Variants in COL26A1 observed in about 807,000 individuals in gnomAD.
COL26A1 encodes collagen type XXVI alpha 1 chain.
Under a neutral mutation model 59.3 loss-of-function variants are expected in COL26A1, and 41 were observed. The observed-to-expected ratio is 0.69, with a 90% CI of 0.54 to 0.90. The LOEUF is 0.90. COL26A1 is among the 40% of genes least tolerant of loss of function. The pLI is 0.00. For missense variants in COL26A1, 612 were observed against 602.3 expected (o/e 1.02, Z -0.17); for synonymous variants, 266 against 256.0 (o/e 1.04, Z -0.37).
intron 3 of COL26A1, among the ~76,000 whole-genome samples, chr7:101,500,993 C>A (rs1460432626): frequency 2.0e-5 from 3 of 151,274 alleles, no homozygotes; most frequent in Non-Finnish European, 2.9e-5. Context: ...ACCAGCCTGG[C>A]CAACACGGTG....
chr7:101,405,498 T>A (rs1481218196), intron 1 of COL26A1, among the ~76,000 whole-genome samples: 2 of 151,610 alleles, frequency 1.3e-5, no homozygotes, highest in Admixed American at 6.6e-5. Context: ...GCCCAGCTAA[T>A]TTTTTTTTCC....
chr7:101,438,834 C>T (rs1792979027), intron 2 of COL26A1, among the ~76,000 whole-genome samples: 1 of 151,380 alleles, frequency 6.6e-6, no homozygotes, highest in South Asian at 2.1e-4. Flanking sequence ...CCACGCCTGG[C>T]TAATTTTTGT....
At chr7:101,470,427 G>A (rs2130458737) in intron 3 of COL26A1, among the ~76,000 whole-genome samples, 1 of 151,886 alleles carries the variant, frequency 6.6e-6, no homozygotes, top group East Asian at 2.0e-4. Context: ...ATAGCTGCCG[G>A]CATTCACCCC....
At chr7:101,384,162 C>T (rs558172462) in intron 1 of COL26A1, among the ~76,000 whole-genome samples, 10 of 151,072 alleles carry the variant, frequency 6.6e-5, no homozygotes, top group South Asian at 2.1e-4. Context: ...CACAGGCGTG[C>T]GCCACCATGC....
At chr7:101,455,263 C>T (rs545903535) in intron 3 of COL26A1, among the ~76,000 whole-genome samples, 25 of 151,776 alleles carry the variant, frequency 1.6e-4, no homozygotes, top group African/African-American at 5.8e-4. Context: ...AGGCTGGTCT[C>T]CAACTCCTGG....
Position 101,511,067 on chromosome 7 carries a change from AG to A in COL26A1, c.386-22014del, listed in dbSNP as rs1794913389. Among the ~76,000 whole-genome samples the A allele has an allele frequency of 4.0e-5, 6 of 151,626 alleles. No individual in the cohort carries two copies. In the South Asian group the frequency reaches 1.0e-3, roughly 26 times the overall value. On this transcript the variant is annotated intron_variant, in intron 3 of 12. Coordinates refer to ENST00000313669, the MANE Select transcript of COL26A1 (RefSeq NM_001278563.3). ...AGGCGCCCACCACCATGCCTGGCTA[AG>A]TTTTTTGTATTTTTAGTAGAGACAG...
chr7:101,451,333 A>G lies in COL26A1; in HGVS notation c.385+3546A>G, dbSNP rs933406378. On this transcript the variant is annotated intron_variant, in intron 3 of 12. Transcript: ENST00000313669. ...TGAATTATGTATTATAATTTATATT[A>G]TATTTCTATTTAAACAATGTATGTA... is the stretch of plus-strand genomic sequence containing the variant. Among the ~76,000 whole-genome samples the G allele has an allele frequency of 6.7e-5, 9 of 134,536 alleles. No homozygotes were observed. In the South Asian group the frequency reaches 1.3e-3, roughly 19 times the overall value. The allele number at this position is 134,536 out of a possible 152,430, so 88.3% of individuals were successfully genotyped here.
chr7:101,462,591 A>G (rs1314018167), intron 3 of COL26A1, among the ~76,000 whole-genome samples: 1 of 152,188 alleles, frequency 6.6e-6, no homozygotes, highest in Non-Finnish European at 1.5e-5. Flanking sequence ...TGCTGGGATT[A>G]CAGGCGTGAG....
intron 3 of COL26A1, among the ~76,000 whole-genome samples, chr7:101,516,900 A>G (rs1460125822): frequency 6.6e-6 from 1 of 152,142 alleles, no homozygotes; most frequent in Non-Finnish European, 1.5e-5. Flanking sequence ...AAAGAGCCAG[A>G]TCGTGTTTGG....
In COL26A1 at chr7:101,447,621, G is replaced by C. The variant is rs756100718; in HGVS notation, c.282-63G>C. 2.6e-6 allele frequency: 3 copies of C among 1,137,006 alleles called. No individual in the cohort carries two copies. The South Asian group carries it at 4.1e-5, about 15-fold the overall frequency. 70.4% of individuals were successfully genotyped at this position (1,137,006 alleles called of 1,614,324 possible). A position where few individuals can be genotyped will look rare whatever the true frequency, so the allele number is the denominator to read the frequency against. Reference sequence around the variant, plus strand: ...CAAAACAGCCTGGCCCATCTTTGCAGCAGTGGGGTCTGGAGGTGGGTGGGT... The same window carrying C: ...CAAAACAGCCTGGCCCATCTTTGCACCAGTGGGGTCTGGAGGTGGGTGGGT... On this transcript the variant is annotated intron_variant, in intron 2 of 12. Transcript: ENST00000313669.
chr7:101,497,453 T>G (rs183079461), intron 3 of COL26A1, among the ~76,000 whole-genome samples: 98 of 152,196 alleles, frequency 6.4e-4, no homozygotes, highest in Non-Finnish European at 1.1e-3. Context: ...GAAGGGTAGA[T>G]TCCTTGAGCC....
chr7:101,526,886 C>T (rs1795258795), intron 3 of COL26A1, among the ~76,000 whole-genome samples: 1 of 152,170 alleles, frequency 6.6e-6, no homozygotes, highest in African/African-American at 2.4e-5. Flanking sequence ...GCGTCTCAAG[C>T]CACACGGTGA....
intron 1 of COL26A1, among the ~76,000 whole-genome samples, chr7:101,392,091 T>G (rs140254344): frequency 6.6e-6 from 1 of 152,164 alleles, no homozygotes; most frequent in African/African-American, 2.4e-5. Flanking sequence ...GCCTGAGACA[T>G]CAGTGGATGC....
chr7:101,393,260 A>C lies in COL26A1; in HGVS notation c.159-26717A>C, dbSNP rs1022497500. On this transcript the variant is annotated intron_variant, in intron 1 of 12. Transcript: ENST00000313669. ...GGATATATGTATATGGGAGTTTGTT[A>C]AGGAGTATTAACTCCTGAATTAACA... 3.9e-5 allele frequency among the ~76,000 whole-genome samples: 6 copies of C among 152,152 alleles called. 1 individual carries two copies. Among genetic ancestry groups the C allele is most frequent in the African/African-American group, 9.6e-5 (4 of 41,454 alleles).
intron 1 of COL26A1, among the ~76,000 whole-genome samples, chr7:101,413,012 T>G (rs1017227943): frequency 6.6e-6 from 1 of 152,146 alleles, no homozygotes; most frequent in African/African-American, 2.4e-5. Context: ...GTCCTGAAGA[T>G]CTCTCTATCG....
chr7:101,557,470 T>C lies in COL26A1; in HGVS notation c.1266T>C (p.Ala422=), dbSNP rs1430096395. The part of the protein sequence containing the change: ...RGGAQPDGVL[A]ALLGPDPGQK... ...GCGCCCAACCCGATGGGGTCCTTGCTGCCCTGCTTGGGCCCGACCCTGGAC... is the reference window on the plus strand; with the variant it reads ...GCGCCCAACCCGATGGGGTCCTTGCCGCCCTGCTTGGGCCCGACCCTGGAC... Residue 422 remains alanine (A), a synonymous_variant, in exon 13 of 13, where the codon GCT becomes GCC. Coordinates refer to ENST00000313669, the MANE Select transcript of COL26A1 (RefSeq NM_001278563.3). 6.2e-7 allele frequency: 1 copy of C among 1,613,752 alleles called. No homozygotes were observed. The highest frequency in any genetic ancestry group is 1.3e-5 in the African/African-American group (1 of 74,940).
chr7:101,419,623 T>C (rs1792463280), intron 1 of COL26A1, among the ~76,000 whole-genome samples: 1 of 152,214 alleles, frequency 6.6e-6, no homozygotes, highest in Non-Finnish European at 1.5e-5. Flanking sequence ...GCTCCGTTCC[T>C]GTAGCTTGTG....
chr7:101,402,882 T>C (rs1194645421), intron 1 of COL26A1, among the ~76,000 whole-genome samples: 5 of 151,458 alleles, frequency 3.3e-5, no homozygotes, highest in Admixed American at 3.3e-4. Context: ...GTCTTGCTCT[T>C]TTGCCCAAGC....
chr7:101,451,148 AATAT>A (rs1200939098), intron 3 of COL26A1, among the ~76,000 whole-genome samples: 20 of 142,156 alleles, frequency 1.4e-4, no homozygotes, highest in South Asian at 6.5e-4. Context: ...TGAAATATAT[AATAT>A]AGTCATTGAG....
Sources: gnomAD v4.1 joint callset for allele counts (sites outside exome capture counted in the v4.1 genomes callset) on GRCh38, gnomAD v4.1.1 for gene constraint, MANE v1.5 for transcripts, NCBI Gene and HGNC (gene_info 2026-07-23, HGNC 2026-07-21) for gene names.